SPOCK3: variants seen among roughly 807,000 people sequenced by gnomAD.
SPOCK3 encodes testican-3.
A neutral mutation model predicts 56.6 loss-of-function variants in SPOCK3; 30 were observed. The ratio of observed to expected loss-of-function variants is 0.53; its 90% CI spans 0.40 to 0.72. The LOEUF (loss-of-function observed/expected upper bound fraction) is 0.72, where lower values mean the gene tolerates loss of function less well. SPOCK3 is among the 30% of genes least tolerant of loss of function. The probability of loss-of-function intolerance (pLI) is 0.00; values close to 1 mark genes in which losing one functional copy is unlikely to be tolerated. For synonymous variants in SPOCK3, 196 were observed against 183.3 expected (o/e 1.07, Z -0.56); for missense variants, 527 against 530.0 (o/e 0.99, Z 0.06).
At chr4:166,823,890 A>G in intron 6 of SPOCK3, among the ~76,000 whole-genome samples, 1 of 152,116 alleles carries the variant, frequency 6.6e-6, no homozygotes, top group East Asian at 1.9e-4. Context: ...AGCCTAAGCA[A>G]GCAAGTTTTT....
In SPOCK3 at chr4:167,049,147, C is replaced by T. The variant is rs556743661; in HGVS notation, c.235+13345G>A. Among the ~76,000 whole-genome samples the T allele has an allele frequency of 4.0e-5, 6 of 151,564 alleles. No homozygotes were observed. In the South Asian group the frequency reaches 1.3e-3, roughly 32 times the overall value. On this transcript the variant is annotated intron_variant, in intron 3 of 10. Coordinates refer to ENST00000357545, the MANE Select transcript of SPOCK3 (RefSeq NM_001040159.2). Reference sequence around the variant, plus strand: ...GAGACAGAGTTTTGCTCTTGTCACCCAGGCTGGAGTGCAATGGCATGATTT... The same window carrying T: ...GAGACAGAGTTTTGCTCTTGTCACCTAGGCTGGAGTGCAATGGCATGATTT...
intron 6 of SPOCK3, among the ~76,000 whole-genome samples, chr4:166,832,170 C>T (rs978038707): frequency 2.0e-5 from 3 of 152,058 alleles, no homozygotes; most frequent in Non-Finnish European, 4.4e-5. Context: ...AGGCCAATGT[C>T]CAGAATGATG....
chr4:166,909,267 T>A (rs559503501), intron 5 of SPOCK3, among the ~76,000 whole-genome samples: 1 of 152,210 alleles, frequency 6.6e-6, no homozygotes, highest in East Asian at 1.9e-4. Flanking sequence ...TTATTCAAAA[T>A]TGGTCACATT....
chr4:167,111,769 T>G (rs549360382), intron 2 of SPOCK3, among the ~76,000 whole-genome samples: 1 of 151,948 alleles, frequency 6.6e-6, no homozygotes, highest in Non-Finnish European at 1.5e-5. Context: ...GCACTTTTTT[T>G]TTTTTTGAGA....
intron 4 of SPOCK3, among the ~76,000 whole-genome samples, chr4:166,920,932 C>T (rs1043493315): frequency 6.6e-6 from 1 of 152,060 alleles, no homozygotes; most frequent in Non-Finnish European, 1.5e-5. Flanking sequence ...TTAAGTAAAC[C>T]GTCATTAAGG....
chr4:167,111,241 A>G (rs957469704), intron 2 of SPOCK3, among the ~76,000 whole-genome samples: 10 of 152,114 alleles, frequency 6.6e-5, no homozygotes, highest in Non-Finnish European at 1.5e-4. Context: ...GCAAATACCA[A>G]ATGTAAACAT....
At chr4:166,939,801 G>A (rs1361338673) in intron 4 of SPOCK3, among the ~76,000 whole-genome samples, 4 of 152,054 alleles carry the variant, frequency 2.6e-5, no homozygotes, top group Non-Finnish European at 5.9e-5. Context: ...TTTAATAGAG[G>A]AAAAGCTGTT....
At chr4:166,805,019 C>T (rs1579279869) in intron 6 of SPOCK3, among the ~76,000 whole-genome samples, 2 of 152,154 alleles carry the variant, frequency 1.3e-5, no homozygotes, top group East Asian at 1.9e-4. Context: ...GAGATAATAT[C>T]TAGTATCACC....
chr4:166,845,196 C>A (rs976455534), intron 6 of SPOCK3, among the ~76,000 whole-genome samples: 1 of 152,042 alleles, frequency 6.6e-6, no homozygotes, highest in Non-Finnish European at 1.5e-5. Context: ...AAATTAGCTA[C>A]AAGAAATCAT....
At chr4:166,808,555 C>G (rs1743424568) in intron 6 of SPOCK3, among the ~76,000 whole-genome samples, 1 of 152,024 alleles carries the variant, frequency 6.6e-6, no homozygotes, top group South Asian at 2.1e-4. Context: ...CTGCCTTGCA[C>G]TCTGATCTCA....
chr4:166,893,017 C>G (rs566699067), intron 5 of SPOCK3, among the ~76,000 whole-genome samples: 1 of 152,028 alleles, frequency 6.6e-6, no homozygotes, highest in East Asian at 1.9e-4. Flanking sequence ...ATTTCACTCC[C>G]CCCTCAAATG....
At chr4:167,005,608 C>G (rs1000762540) in intron 3 of SPOCK3, among the ~76,000 whole-genome samples, 10 of 151,722 alleles carry the variant, frequency 6.6e-5, no homozygotes, top group African/African-American at 2.4e-4. Context: ...AAACAGTACT[C>G]AAAATCCTTT....
intron 4 of SPOCK3, among the ~76,000 whole-genome samples, chr4:166,942,525 C>T (rs4301146): frequency 2.7e-5 from 4 of 149,382 alleles, no homozygotes; most frequent in Non-Finnish European, 5.9e-5. Flanking sequence ...AAAGCAAAGG[C>T]GACATGAACT....
intron 4 of SPOCK3, among the ~76,000 whole-genome samples, chr4:166,981,366 T>C (rs1746548388): frequency 6.6e-6 from 1 of 151,352 alleles, no homozygotes. Context: ...CTGGAGTGAG[T>C]AGCTCCTTTC....
intron 2 of SPOCK3, among the ~76,000 whole-genome samples, chr4:167,159,330 A>C (rs1399229607): frequency 2.0e-5 from 3 of 151,968 alleles, no homozygotes; most frequent in Non-Finnish European, 4.4e-5. Flanking sequence ...GGAACCTGAG[A>C]AAATATCAGA....
rs762700996 is a variant in SPOCK3 at position 166,737,540 on chromosome 4, A to C, written c.1059T>G (p.Val353=). The change falls in exon 10 of 11, where the codon GTT becomes GTG. Residue 353 remains valine, a synonymous_variant. Transcript: ENST00000357545. ...YYKPTQCHGS[V]GQCWCVDRYG... is the part of the protein sequence containing the mutation. ...ATCTGTCAACACACCAGCACTGTCC[A>C]ACACTGCCATGACATTGTGTTGGCT... The C allele has an allele frequency of 8.7e-6, 14 of 1,613,256 alleles. No homozygotes were observed. The highest frequency in any genetic ancestry group is 1.2e-5 in the Non-Finnish European group (14 of 1,179,522).
intron 2 of SPOCK3, among the ~76,000 whole-genome samples, chr4:167,194,053 C>T (rs1231509810): frequency 1.3e-5 from 2 of 152,078 alleles, no homozygotes; most frequent in Non-Finnish European, 2.9e-5. Context: ...CACTGTTTTG[C>T]ATTCTCTATT....
At chr4:167,000,739 T>C (rs1748868662) in intron 3 of SPOCK3, among the ~76,000 whole-genome samples, 1 of 152,102 alleles carries the variant, frequency 6.6e-6, no homozygotes, top group Admixed American at 6.6e-5. Flanking sequence ...AGACTCAAAC[T>C]CTCTGTAGTT....
chr4:166,899,938 A>ATTCT (rs1735862673), intron 5 of SPOCK3, among the ~76,000 whole-genome samples: 1 of 152,164 alleles, frequency 6.6e-6, no homozygotes, highest in African/African-American at 2.4e-5. Context: ...ATCTTATTGC[A>ATTCT]TTCTTTGGGT....
Sources: gnomAD v4.1 joint callset for allele counts (sites outside exome capture counted in the v4.1 genomes callset) on GRCh38, gnomAD v4.1.1 for gene constraint, MANE v1.5 for transcripts, NCBI Gene and HGNC (gene_info 2026-07-23, HGNC 2026-07-21) for gene names.